The following USP40 variants were observed in gnomAD, a reference collection of about 807,000 sequenced individuals.
The protein encoded by USP40 is ubiquitin carboxyl-terminal hydrolase 40.
In USP40, 143 loss-of-function variants were observed where a neutral mutation model predicts 166.2. That is an observed-to-expected ratio of 0.86 (90% CI 0.75 to 0.99). The LOEUF is 0.99. Ranked by LOEUF, USP40 falls within the 50% of genes least tolerant of loss-of-function variation. USP40 has a pLI of 0.00. For missense variants in USP40, 1,444 were observed against 1,479.7 expected (o/e 0.98, Z 0.40); for synonymous variants, 498 against 524.0 (o/e 0.95, Z 0.68).
At chr2:233,527,170 A>G (rs192611706) in intron 13 of USP40, among the ~76,000 whole-genome samples, 16 of 152,250 alleles carry the variant, frequency 1.1e-4, no homozygotes, top group African/African-American at 3.1e-4. Flanking sequence ...TTCCCCTCAA[A>G]TAAAATGTAC....
Position 233,562,744 on chromosome 2 carries a change from C to A in USP40, c.259G>T (p.Asp87Tyr). Residue 87 changes from aspartate to tyrosine, a missense_variant, in exon 3 of 32, where the codon GAT (aspartate) becomes TAT (tyrosine). By Grantham distance (160) the Asp-to-Tyr change is radical. Coordinates refer to ENST00000678225, the MANE Select transcript of USP40 (RefSeq NM_001365479.2). The part of the protein sequence containing the change: ...LGLFEDKDKP[D>Y]AKVRIIPLQL... ...AATAATAATAAAAATACCTTTGCAT[C>A]GGGTTTATCCTTATCTTCAAACAAA... 1 of 1,518,966 alleles carries A rather than the reference C, an allele frequency of 6.6e-7. No homozygotes were observed. The highest frequency in any genetic ancestry group is 8.8e-7 in the Non-Finnish European group (1 of 1,131,406). 94.1% of individuals were successfully genotyped at this position (1,518,966 alleles called of 1,614,324 possible). A position where few individuals can be genotyped will look rare whatever the true frequency, so the allele number is the denominator to read the frequency against.
chr2:233,558,514 C>A (rs565752963), intron 4 of USP40, among the ~76,000 whole-genome samples: 1 of 152,138 alleles, frequency 6.6e-6, no homozygotes, highest in Non-Finnish European at 1.5e-5. Flanking sequence ...TGTTACGAGA[C>A]CACCTATTGG....
chr2:233,558,554 T>C (rs141946038), intron 4 of USP40, among the ~76,000 whole-genome samples: 2 of 152,274 alleles, frequency 1.3e-5, no homozygotes, highest in South Asian at 2.1e-4. Flanking sequence ...ATGTCCAGAA[T>C]AGGCAAATTC....
At chr2:233,541,405 A>C (rs2069401315) in intron 9 of USP40, among the ~76,000 whole-genome samples, 2 of 152,232 alleles carry the variant, frequency 1.3e-5, no homozygotes, top group Non-Finnish European at 2.9e-5. Context: ...CCAGGGAAGC[A>C]CACACACAGA....
At chr2:233,563,402 G>A (rs141857341) in intron 2 of USP40, among the ~76,000 whole-genome samples, 56 of 152,222 alleles carry the variant, frequency 3.7e-4, no homozygotes, top group Non-Finnish European at 6.9e-4. Context: ...GTCTGTATCC[G>A]AGCCTAGGTA....
chr2:233,488,304 C>T lies in USP40; in HGVS notation c.3132G>A (p.Arg1044=), dbSNP rs377058590. 52 of 1,593,858 alleles carry T rather than the reference C, an allele frequency of 3.3e-5. No individual in the cohort carries two copies. Among genetic ancestry groups the T allele is most frequent in the East Asian group, 2.0e-4 (9 of 44,568 alleles). The change falls in exon 28 of 32, where the codon AGG becomes AGA. Residue 1044 remains arginine (R), a splice_region_variant and synonymous_variant. Coordinates refer to ENST00000678225, the MANE Select transcript of USP40 (RefSeq NM_001365479.2). ...RLLRTDRQPL[R]EYKLGRRIEI... ...CAATTCTCCGTCCTAGTTTATATTC[C>T]CTGATAATAAGTGAAACAAGATAAT...
At chr2:233,481,495 G>A in intron 30 of USP40, 198 bp from the exon 31 acceptor site, 1 of 576,400 alleles carries the variant, frequency 1.7e-6, no homozygotes, top group Non-Finnish European at 3.0e-6. Context: ...GCTCCACAAG[G>A]GAAATTAATT....
At chr2:233,494,960 A>ATATATATATATATT (rs2065637593) in intron 24 of USP40, among the ~76,000 whole-genome samples, 3 of 61,774 alleles carry the variant, frequency 4.9e-5, no homozygotes, top group African/African-American at 2.7e-4. Flanking sequence ...ATATATTTAT[A>ATATATATATATATT]TATATATATA....
At chr2:233,566,099 T>C (rs1291003074) in intron 1 of USP40, among the ~76,000 whole-genome samples, 2 of 152,002 alleles carry the variant, frequency 1.3e-5, no homozygotes, top group Non-Finnish European at 2.9e-5. Flanking sequence ...GTTAACTTTT[T>C]TTAGAGCACT....
At chr2:233,523,553 G>T in intron 15 of USP40, 64 bp from the exon 16 acceptor site, 6 of 1,421,474 alleles carry the variant, frequency 4.2e-6, no homozygotes, top group Non-Finnish European at 5.7e-6. Context: ...AACATAACAT[G>T]GTAAAAGATT....
In USP40 at chr2:233,477,202, G is replaced by A. The variant is rs2064223236; in HGVS notation, c.*190C>T. On this transcript the variant is annotated 3_prime_UTR_variant, in exon 32 of 32. Transcript: ENST00000678225. The stretch of plus-strand genomic sequence containing the variant: ...CATCCAGAGCTGCACCAGCCCCCGT[G>A]GCTGCCACGTGTTGCAGAGCTAAGT... 1 of 612,876 alleles carries A rather than the reference G, an allele frequency of 1.6e-6. No homozygotes were observed. The allele number at this position is 612,876 out of a possible 1,614,324, so 38.0% of individuals were successfully genotyped here.
chr2:233,491,384 T>C (rs1207875794), intron 25 of USP40, 123 bp from the exon 26 acceptor site: 1 of 757,802 alleles, frequency 1.3e-6, no homozygotes, highest in African/African-American at 1.7e-5. Context: ...AGCCTCTGCA[T>C]CCAAGTCTTA....
intron 4 of USP40, among the ~76,000 whole-genome samples, chr2:233,558,305 G>T (rs1288222188): frequency 6.7e-6 from 1 of 150,156 alleles, no homozygotes; most frequent in Non-Finnish European, 1.5e-5. Context: ...GCATTAAGAA[G>T]AAACCAGCAA....
At position 233,485,633 on chromosome 2, in the gene USP40, G is replaced by GA. The variant is rs1420118310; in HGVS notation, c.3409-8dup. 6.2e-7 allele frequency: 1 copy of GA among 1,611,346 alleles called. No homozygotes were observed. The highest frequency in any genetic ancestry group is 1.3e-5 in the African/African-American group (1 of 74,288). On this transcript the variant is annotated splice_polypyrimidine_tract_variant and splice_region_variant and intron_variant, in intron 29 of 31. Transcript: ENST00000678225. ...TCTTGGTTATTTGTTGGTTCTATGG[G>GA]AAAATCAAACATCTTAAATAAGCAA... is the stretch of plus-strand genomic sequence containing the variant.
chr2:233,562,776 T>C lies in USP40; in HGVS notation c.227A>G (p.Glu76Gly), dbSNP rs1332135387. ...ATCCTTATCTTCAAACAAACCAAGC[T>C]CTTCTGGGCCAAGAGAAAATAGAGC... ...REALFSLGPE[E>G]LGLFEDKDKP... Residue 76 changes from glutamate (E) to glycine (G), a missense_variant, in exon 3 of 32, where the codon GAG (glutamate) becomes GGG (glycine). Coordinates refer to ENST00000678225, the MANE Select transcript of USP40 (RefSeq NM_001365479.2). The C allele has an allele frequency of 1.3e-6, 2 of 1,536,674 alleles. No homozygotes were observed. Among genetic ancestry groups the C allele is most frequent in the Non-Finnish European group, 1.8e-6 (2 of 1,139,314 alleles).
chr2:233,479,850 T>C (rs1220381902), intron 31 of USP40, among the ~76,000 whole-genome samples: 1 of 152,100 alleles, frequency 6.6e-6, no homozygotes, highest in East Asian at 1.9e-4. Flanking sequence ...GGGACAGTGC[T>C]GTCCGGAAAG....
intron 5 of USP40, among the ~76,000 whole-genome samples, chr2:233,556,041 G>A (rs1043970297): frequency 5.3e-5 from 8 of 151,572 alleles, no homozygotes; most frequent in South Asian, 2.1e-4. Context: ...GCGTGAACCC[G>A]GGAGGTGGAA....
Position 233,477,203 on chromosome 2 carries a change from G to A in USP40, c.*189C>T. On this transcript the variant is annotated 3_prime_UTR_variant, in exon 32 of 32. Coordinates refer to ENST00000678225, the MANE Select transcript of USP40 (RefSeq NM_001365479.2). The stretch of plus-strand genomic sequence containing the variant: ...ATCCAGAGCTGCACCAGCCCCCGTG[G>A]CTGCCACGTGTTGCAGAGCTAAGTG... 2 of 613,762 alleles carry A rather than the reference G, an allele frequency of 3.3e-6. No homozygotes were observed. The highest frequency in any genetic ancestry group is 5.9e-6 in the Non-Finnish European group (2 of 339,798). The allele number at this position is 613,762 out of a possible 1,614,324, so 38.0% of individuals were successfully genotyped here. A position where few individuals can be genotyped will look rare whatever the true frequency, so the allele number is the denominator to read the frequency against.
In USP40 at chr2:233,520,436, A is replaced by G. The variant is rs906512713; in HGVS notation, c.2325+555T>C. On this transcript the variant is annotated intron_variant, in intron 17 of 31. Transcript: ENST00000678225. ...TCTAGTAAGTTTCAACTTGTTATAG[A>G]AAAAAAACCCATAATGAATTGAGAC... Among the ~76,000 whole-genome samples the G allele has an allele frequency of 5.3e-5, 8 of 151,446 alleles. No homozygotes were observed. In the Middle Eastern group the frequency reaches 0.014, roughly 258 times the overall value.
Sources: allele counts gnomAD v4.1 joint callset (sites outside exome capture counted in the v4.1 genomes callset), GRCh38; gene constraint gnomAD v4.1.1; transcripts MANE v1.5; gene names NCBI Gene and HGNC (gene_info 2026-07-23, HGNC 2026-07-21).